MTMR3: variants seen among roughly 807,000 people sequenced by gnomAD.
MTMR3 encodes the protein myotubularin related protein 3.
Under a neutral mutation model 132.4 loss-of-function variants are expected in MTMR3, and 32 were observed. The observed-to-expected ratio is 0.24, with a 90% CI of 0.18 to 0.32. MTMR3 has a LOEUF of 0.32. Among genes scored for constraint, MTMR3 ranks in the 10% least tolerant of loss-of-function variants. MTMR3 has a pLI of 1.00. For missense variants in MTMR3, 1,216 were observed against 1,489.6 expected, an observed-to-expected ratio of 0.82 and a Z score of 3.02; for synonymous variants, 556 against 550.3, an observed-to-expected ratio of 1.01 and a Z score of -0.14.
intron 1 of MTMR3, among the ~76,000 whole-genome samples, chr22:29,885,827 G>A (rs1304358328): frequency 6.6e-6 from 1 of 152,218 alleles, no homozygotes; most frequent in Non-Finnish European, 1.5e-5. Flanking sequence ...ACCTTCTTCA[G>A]TAAAGTGGAA....
chr22:29,994,130 C>A (rs971751919), intron 7 of MTMR3: 7 of 985,310 alleles, frequency 7.1e-6, no homozygotes, highest in Middle Eastern at 5.2e-4. Context: ...CCCCTATGTG[C>A]CATGCTTATG....
At chr22:29,996,733 TC>T (rs1461127293) in intron 7 of MTMR3, 1 of 152,194 alleles carries the variant, frequency 6.6e-6, no homozygotes, top group Non-Finnish European at 1.5e-5. Context: ...TTTGTTTTTT[TC>T]CCCTTTTTTT....
intron 2 of MTMR3, among the ~76,000 whole-genome samples, chr22:29,964,090 G>C (rs1264600977): frequency 6.6e-6 from 1 of 152,162 alleles, no homozygotes; most frequent in African/African-American, 2.4e-5. Flanking sequence ...CACTAGCAGA[G>C]TATGAGGTTA....
intron 1 of MTMR3, among the ~76,000 whole-genome samples, chr22:29,940,457 A>G (rs1260520629): frequency 6.7e-6 from 1 of 149,918 alleles, no homozygotes; most frequent in African/African-American, 2.5e-5. Flanking sequence ...CAGGTGAAAC[A>G]AACAGCCTTG....
At chr22:30,016,029 G>GT (rs1463377148) in intron 14 of MTMR3, 2 of 158,250 alleles carry the variant, frequency 1.3e-5, no homozygotes, top group African/African-American at 4.8e-5. Context: ...AGTCTGCCTT[G>GT]TTCTCCATAG....
At chr22:29,986,684 A>G (rs780693358) in intron 5 of MTMR3, 343 of 772,694 alleles carry the variant, frequency 4.4e-4, no homozygotes, top group Non-Finnish European at 4.5e-4. Context: ...TGTTTTTGAG[A>G]TGGAGTTTTG....
At chr22:29,940,605 A>G (rs2065839986) in intron 1 of MTMR3, among the ~76,000 whole-genome samples, 1 of 149,976 alleles carries the variant, frequency 6.7e-6, no homozygotes, top group Non-Finnish European at 1.5e-5. Flanking sequence ...AAAAATCGGA[A>G]CATTCTTTAA....
At chr22:29,962,396 G>A (rs1168323898) in intron 2 of MTMR3, among the ~76,000 whole-genome samples, 4 of 152,160 alleles carry the variant, frequency 2.6e-5, no homozygotes, top group Non-Finnish European at 5.9e-5. Flanking sequence ...GCCAGGTGTG[G>A]TGGCTAATGA....
At chr22:29,927,112 C>G (rs1291242359) in intron 1 of MTMR3, among the ~76,000 whole-genome samples, 1 of 152,112 alleles carries the variant, frequency 6.6e-6, no homozygotes, top group East Asian at 1.9e-4. Flanking sequence ...TTGAGTTGTT[C>G]TAGCATCTTT....
chr22:30,020,978 GGTT>G, intron 17 of MTMR3, 94 bp downstream of exon 17: 1 of 1,253,284 alleles, frequency 8.0e-7, no homozygotes, highest in Non-Finnish European at 1.1e-6. Flanking sequence ...GATTGGTACA[GGTT>G]GTTAAAGGAT....
At chr22:30,023,612 T>C in intron 19 of MTMR3, 1 of 1,161,812 alleles carries the variant, frequency 8.6e-7, no homozygotes. Flanking sequence ...CACAGGCAGA[T>C]AGGTGGGCTT....
chr22:29,943,469 C>T (rs565037911), intron 1 of MTMR3, among the ~76,000 whole-genome samples: 8 of 152,108 alleles, frequency 5.3e-5, no homozygotes, highest in South Asian at 2.1e-4. Flanking sequence ...GGATTACAGG[C>T]GTGAGCCACC....
intron 3 of MTMR3, among the ~76,000 whole-genome samples, chr22:29,972,262 G>A (rs565963212): frequency 1.2e-4 from 19 of 152,134 alleles, no homozygotes; most frequent in Non-Finnish European, 2.2e-4. Flanking sequence ...CAAATGATGG[G>A]CTTATGAAAG....
chr22:29,969,212 A>G (rs973840633), intron 2 of MTMR3, among the ~76,000 whole-genome samples: 1 of 152,226 alleles, frequency 6.6e-6, no homozygotes, highest in Non-Finnish European at 1.5e-5. Context: ...CTGTCTCTGC[A>G]TGGCACGAGA....
Position 29,979,048 on chromosome 22 carries a change from T to TTAA in MTMR3, c.208_210dup (p.Asn70dup), listed in dbSNP as rs1330694462. The TTAA allele has an allele frequency of 3.1e-6, 5 of 1,589,762 alleles. No homozygotes were observed. Among genetic ancestry groups the TTAA allele is most frequent in the Non-Finnish European group, 4.3e-6 (5 of 1,157,780 alleles). ...CACATCAAGTTCAAGGAGTCTCTTG[T>TTAA]TAATGTAAGTGATTACCAGCTGTTC... On this transcript the variant is annotated inframe_insertion, in exon 5 of 20. Transcript: ENST00000401950.
At chr22:29,927,423 G>C (rs1274771387) in intron 1 of MTMR3, among the ~76,000 whole-genome samples, 2 of 152,146 alleles carry the variant, frequency 1.3e-5, no homozygotes, top group East Asian at 3.8e-4. Flanking sequence ...TGAATCTATA[G>C]ATCATTTTGT....
Position 29,991,573 on chromosome 22 carries a change from T to G in MTMR3, c.363T>G (p.Pro121=), listed in dbSNP as rs762408740. The change falls in exon 7 of 20, where the codon CCT becomes CCG. Residue 121 remains proline, a synonymous_variant. Coordinates refer to ENST00000401950, the MANE Select transcript of MTMR3 (RefSeq NM_021090.4). ...LKRLNNAIRP[P]AKIEDLFSFA... Reference sequence around the variant, plus strand: ...GACTGAACAACGCAATCCGACCACCTGCTAAAATAGAAGATCTCTTCTCAT... The same window carrying G: ...GACTGAACAACGCAATCCGACCACCGGCTAAAATAGAAGATCTCTTCTCAT... 1 of 1,614,108 alleles carries G rather than the reference T, an allele frequency of 6.2e-7. No homozygotes were observed. Among genetic ancestry groups the G allele is most frequent in the Non-Finnish European group, 8.5e-7 (1 of 1,179,998 alleles).
At chr22:29,975,879 T>G (rs568208714) in intron 3 of MTMR3, among the ~76,000 whole-genome samples, 3 of 152,242 alleles carry the variant, frequency 2.0e-5, no homozygotes, top group Admixed American at 1.3e-4. Context: ...GTGCTGAGAT[T>G]ACAGGCATGA....
intron 19 of MTMR3, 151 bp from the exon 20 acceptor site, chr22:30,025,479 T>G: frequency 1.3e-6 from 1 of 754,412 alleles, no homozygotes; most frequent in Non-Finnish European, 2.2e-6. Flanking sequence ...CCTACCCAGC[T>G]TGTTCCTGGG....
Sources: allele counts gnomAD v4.1 joint callset (sites outside exome capture counted in the v4.1 genomes callset), GRCh38; gene constraint gnomAD v4.1.1; transcripts MANE v1.5; gene names NCBI Gene and HGNC (gene_info 2026-07-23, HGNC 2026-07-21).